Variants in TENM3 observed in about 807,000 individuals in gnomAD.
TENM3 encodes teneurin transmembrane protein 3, also known as teneurin-3.
A neutral mutation model predicts 255.1 loss-of-function variants in TENM3; 63 were observed. That is an observed-to-expected ratio of 0.25 (90% confidence interval 0.20 to 0.30). The LOEUF (loss-of-function observed/expected upper bound fraction) is 0.30, where lower values mean the gene tolerates loss of function less well. TENM3 is among the 10% of genes least tolerant of loss of function. The pLI, the probability that TENM3 is intolerant of heterozygous loss-of-function variation, is 1.00. For missense variants in TENM3, 2,929 were observed against 3,461.1 expected, an observed-to-expected ratio of 0.85 and a Z score of 3.86; for synonymous variants, 1,306 against 1,322.3, an observed-to-expected ratio of 0.99 and a Z score of 0.27.
At chr4:181,509,101 G>A in the TENM3 span, among the ~76,000 whole-genome samples, 1 of 151,844 alleles carries the variant, frequency 6.6e-6, no homozygotes, top group Admixed American at 6.6e-5. Flanking sequence ...ATCATAGGGA[G>A]GAAAGAAACT....
Position 182,754,721 on chromosome 4 carries a change from A to T in TENM3, c.4354A>T (p.Asn1452Tyr). 2 of 1,614,056 alleles carry T rather than the reference A, an allele frequency of 1.2e-6. No individual in the cohort carries two copies. The highest frequency in any genetic ancestry group is 1.3e-5 in the African/African-American group (1 of 75,068). Residue 1452 changes from asparagine to tyrosine, a missense_variant, in exon 22 of 28, where the codon AAT becomes TAT. Asn to Tyr is a moderately radical substitution (Grantham distance 143). Coordinates refer to ENST00000511685, the MANE Select transcript of TENM3 (RefSeq NM_001080477.4). The surrounding 1 kb of genome is among the most constrained non-coding windows in gnomAD (Gnocchi z 5.1). ...AATACCTTCAGAGTGTGACTGCAAA[A>T]ATGATGCCAACTGTGACTGTTACCA... ...AGIPSECDCKNDANCDCYQSG... is the reference protein window; with the variant it reads ...AGIPSECDCKYDANCDCYQSG...
rs188430582 is a variant in TENM3, at chr4:182,409,429, C to G, written c.511+62500C>G. ...GCAGCCAAAACAGAGGCCTCCTGGT[C>G]TCATTTTAACTGTAATAGCCCCAGG... On this transcript the variant is annotated intron_variant, in intron 3 of 27. Coordinates refer to ENST00000511685, the MANE Select transcript of TENM3 (RefSeq NM_001080477.4). 4.3e-4 allele frequency among the ~76,000 whole-genome samples: 65 copies of G among 152,320 alleles called. 1 individual carries two copies. The highest frequency in any genetic ancestry group is 3.4e-3 in the Middle Eastern group (1 of 294).
chr4:182,431,877 G>C (rs1367437697), intron 3 of TENM3, among the ~76,000 whole-genome samples: 1 of 152,040 alleles, frequency 6.6e-6, no homozygotes, highest in Admixed American at 6.5e-5. Flanking sequence ...AGGAGTTTGA[G>C]ACCAGTCTGG....
the TENM3 span, among the ~76,000 whole-genome samples, chr4:181,666,991 T>C: frequency 6.6e-6 from 1 of 152,328 alleles, no homozygotes; most frequent in Admixed American, 6.5e-5. Context: ...AGTGTACAGA[T>C]GCAGACATAC....
the TENM3 span, among the ~76,000 whole-genome samples, chr4:181,469,478 T>A: frequency 6.6e-6 from 1 of 152,190 alleles, no homozygotes; most frequent in South Asian, 2.1e-4. Context: ...TAAAAACACT[T>A]ACTTATTAAC....
intron 1 of TENM3, among the ~76,000 whole-genome samples, chr4:182,322,303 A>G (rs1439062620): frequency 6.6e-6 from 1 of 152,222 alleles, no homozygotes; most frequent in East Asian, 1.9e-4. Flanking sequence ...ACAGCTCAGT[A>G]TTTGGTAGCC....
intron 1 of TENM3, among the ~76,000 whole-genome samples, chr4:182,198,020 G>A (rs1297843847): frequency 6.6e-6 from 1 of 152,130 alleles, no homozygotes. Flanking sequence ...CAGGAGAATC[G>A]CTTGAACCTG....
chr4:182,108,616 C>T, the TENM3 span, among the ~76,000 whole-genome samples: 35 of 152,134 alleles, frequency 2.3e-4, no homozygotes, highest in Non-Finnish European at 4.7e-4. Flanking sequence ...CTTGTAGGCT[C>T]ATATGGAGAG....
the TENM3 span, among the ~76,000 whole-genome samples, chr4:181,470,127 ATT>A: frequency 1.9e-4 from 26 of 138,924 alleles, no homozygotes; most frequent in East Asian, 4.1e-4. Flanking sequence ...AAAAAAAAAC[ATT>A]ATTCAAAAGG....
chr4:182,751,939 G>A lies in TENM3; in HGVS notation c.3769G>A (p.Val1257Ile), dbSNP rs774602911. 2.1e-5 allele frequency: 34 copies of A among 1,613,736 alleles called. No homozygotes were observed. The highest frequency in any genetic ancestry group is 3.3e-5 in the Admixed American group (2 of 59,992). The change falls in exon 20 of 28, where the codon GTC becomes ATC. Residue 1257 changes from valine (V) to isoleucine (I), a missense_variant. By Grantham distance (29) the Val-to-Ile change is conservative (BLOSUM62 3). This residue lies in a region of TENM3 where 1,608 missense variants were observed against 1,884.4 expected (regional missense o/e 0.85). Coordinates refer to ENST00000511685, the MANE Select transcript of TENM3 (RefSeq NM_001080477.4). ...AGACTTGACTAAAAATGCAGAAGTC[G>A]TCGCAGGGACAGGGGAGCAATGCCT... ...AKDLTKNAEV[V>I]AGTGEQCLPF...
At chr4:182,165,753 G>T (rs1045898789) in intron 1 of TENM3, among the ~76,000 whole-genome samples, 2 of 152,116 alleles carry the variant, frequency 1.3e-5, no homozygotes, top group Non-Finnish European at 2.9e-5. Flanking sequence ...TCTTTTTTGG[G>T]GGGTGAAGCA....
Position 182,487,313 on chromosome 4 carries a change from T to G in TENM3, c.512-113611T>G. Among the ~76,000 whole-genome samples, 2 of 152,198 alleles carry G rather than the reference T, an allele frequency of 1.3e-5. 1 individual carries two copies. The highest frequency in any genetic ancestry group is 3.8e-4 in the East Asian group (2 of 5,202). On this transcript the variant is annotated intron_variant, in intron 3 of 27. Transcript: ENST00000511685. ...GTGATTATTATGGTTACTATTATTT[T>G]GTGTACTTGTCTCTTTATCGTTGAA... is the stretch of plus-strand genomic sequence containing the variant.
chr4:181,875,444 A>C, the TENM3 span, among the ~76,000 whole-genome samples: 1 of 138,456 alleles, frequency 7.2e-6, no homozygotes, highest in South Asian at 2.2e-4. Context: ...ACCAGTTTGT[A>C]AGTCTTCATA....
At chr4:182,108,299 A>G in the TENM3 span, among the ~76,000 whole-genome samples, 4 of 152,174 alleles carry the variant, frequency 2.6e-5, no homozygotes, top group Non-Finnish European at 2.9e-5. Flanking sequence ...ATTCACATTT[A>G]GGGCTTTAAC....
chr4:182,750,742 AGAGG>A (rs922617050), intron 19 of TENM3, among the ~76,000 whole-genome samples: 154 of 152,246 alleles, frequency 1.0e-3, no homozygotes, highest in African/African-American at 3.5e-3. Flanking sequence ...GGAGAGGAAG[AGAGG>A]GAATGAGAAT....
the TENM3 span, among the ~76,000 whole-genome samples, chr4:181,893,491 A>ACCCCCCC: frequency 4.0e-5 from 1 of 24,906 alleles, no homozygotes; most frequent in Non-Finnish European, 7.6e-5. Context: ...TCCCCTGCCC[A>ACCCCCCC]CCCCCCCCCC....
At chr4:182,709,863 T>C (rs910170245) in intron 12 of TENM3, among the ~76,000 whole-genome samples, 2 of 152,234 alleles carry the variant, frequency 1.3e-5, no homozygotes, top group African/African-American at 4.8e-5. Flanking sequence ...GCAAAACTTG[T>C]GTTAAGAGTT....
At chr4:182,087,204 A>G in the TENM3 span, among the ~76,000 whole-genome samples, 1 of 152,228 alleles carries the variant, frequency 6.6e-6, no homozygotes, top group African/African-American at 2.4e-5. Flanking sequence ...GATTGAATTC[A>G]AAGGATGCAA....
intron 1 of TENM3, among the ~76,000 whole-genome samples, chr4:182,161,356 C>A (rs560462214): frequency 2.4e-5 from 3 of 122,788 alleles, no homozygotes; most frequent in Non-Finnish European, 4.9e-5. Flanking sequence ...GCGAAGCTTG[C>A]AGTGAGCCGA....
Sources: allele counts gnomAD v4.1 joint callset (sites outside exome capture counted in the v4.1 genomes callset), GRCh38; gene constraint gnomAD v4.1.1; regional missense constraint gnomAD v4.1.1; non-coding constraint Gnocchi (gnomAD v3.1); transcripts MANE v1.5; gene names NCBI Gene and HGNC (gene_info 2026-07-23, HGNC 2026-07-21).